DMD: variants seen among roughly 807,000 people sequenced by gnomAD.
DMD encodes dystrophin, also known as mutant dystrophin.
In DMD, 63 loss-of-function variants were observed where a neutral mutation model predicts 330.1. That is an observed-to-expected ratio of 0.19 (90% confidence interval 0.16 to 0.24). The LOEUF (loss-of-function observed/expected upper bound fraction) is 0.24, where lower values mean the gene tolerates loss of function less well. Among genes scored for constraint, DMD ranks in the 10% least tolerant of loss-of-function variants. The pLI, the probability that DMD is intolerant of heterozygous loss-of-function variation, is 1.00. For synonymous variants in DMD, 1,223 were observed against 959.8 expected (o/e 1.27, Z -5.07); for missense variants, 3,344 against 2,684.1 (o/e 1.25, Z -5.43).
At chrX:31,257,592 A>C (rs1481213912) in intron 63 of DMD, among the ~76,000 whole-genome samples, 1 of 111,932 alleles carries the variant, frequency 8.9e-6, no homozygotes, top group Non-Finnish European at 1.9e-5. Flanking sequence ...ACTCTGAAAC[A>C]CTGTAATTTT....
intron 9 of DMD, among the ~76,000 whole-genome samples, chrX:32,676,487 A>G (rs1393284314): frequency 9.0e-6 from 1 of 111,448 alleles, no homozygotes; most frequent in Non-Finnish European, 1.9e-5. Flanking sequence ...TCAGAATTTC[A>G]TTGCCATTTT....
At chrX:33,151,259 T>TATC (rs1051118947) in intron 1 of DMD, among the ~76,000 whole-genome samples, 4 of 112,695 alleles carry the variant, frequency 3.5e-5, no homozygotes, top group African/African-American at 1.3e-4. Flanking sequence ...GAACAAGTTA[T>TATC]ATCTAAATGC....
chrX:32,590,995 C>A (rs1201739029), intron 13 of DMD, among the ~76,000 whole-genome samples: 5 of 111,470 alleles, frequency 4.5e-5, no homozygotes, highest in African/African-American at 1.3e-4. Context: ...TACACTCTGT[C>A]TTTATCCATT....
At chrX:31,959,682 C>T (rs1042237015) in intron 45 of DMD, among the ~76,000 whole-genome samples, 3 of 109,614 alleles carry the variant, frequency 2.7e-5, no homozygotes, top group African/African-American at 1.0e-4. Context: ...AATCTCAATG[C>T]AAAATACCTC....
intron 2 of DMD, among the ~76,000 whole-genome samples, chrX:32,852,881 G>A (rs907900074): frequency 9.2e-6 from 1 of 109,213 alleles, no homozygotes; most frequent in Non-Finnish European, 1.9e-5. Flanking sequence ...CAATAGAAGA[G>A]AGCACCAGAT....
At chrX:31,473,008 G>A (rs1164745590) in intron 59 of DMD, among the ~76,000 whole-genome samples, 2 of 111,687 alleles carry the variant, frequency 1.8e-5, no homozygotes, top group Admixed American at 1.9e-4. Flanking sequence ...GGTAAACTAA[G>A]AACAGTGAAA....
chrX:32,670,693 T>C (rs1362013576), intron 9 of DMD, among the ~76,000 whole-genome samples: 1 of 112,373 alleles, frequency 8.9e-6, no homozygotes, highest in African/African-American at 3.2e-5. Flanking sequence ...GTAAGCAACA[T>C]GAAACCACTG....
At chrX:31,461,615 C>T (rs1159196440) in intron 59 of DMD, among the ~76,000 whole-genome samples, 1 of 111,717 alleles carries the variant, frequency 9.0e-6, no homozygotes, top group Non-Finnish European at 1.9e-5. Flanking sequence ...CATTCATTAA[C>T]TCTTCTCTTC....
chrX:31,490,337 T>G (rs990225252), intron 57 of DMD, among the ~76,000 whole-genome samples: 1 of 110,793 alleles, frequency 9.0e-6, no homozygotes, highest in African/African-American at 3.3e-5. Context: ...CTGAGGCGGG[T>G]GGATCACGAG....
rs1279374247 is a variant in DMD, at chrX:32,348,526, G to T, written c.5328C>A (p.Ala1776=). The change falls in exon 38 of 79, where the codon GCC becomes GCA. Residue 1776 remains alanine, a splice_region_variant and synonymous_variant. Coordinates refer to ENST00000357033, the MANE Select transcript of DMD (RefSeq NM_004006.3). ...GCTCCAATTCCTTCAAAGGAATGGA[G>T]GCCTAAAAAAAAAGATAGTGCTACT... ...AISHRIKTGK[A]SIPLKELEQF... 1 of 1,195,085 alleles carries T rather than the reference G, an allele frequency of 8.4e-7. No homozygotes were observed. Among genetic ancestry groups the T allele is most frequent in the Non-Finnish European group, 1.1e-6 (1 of 886,430 alleles).
chrX:33,140,229 A>C (rs2047730573), intron 1 of DMD, among the ~76,000 whole-genome samples: 1 of 112,234 alleles, frequency 8.9e-6, no homozygotes, highest in African/African-American at 3.2e-5. Flanking sequence ...CAGCATATGT[A>C]GTAAGTAGGT....
At chrX:31,911,915 G>GTGCC (rs1381165265) in intron 47 of DMD, among the ~76,000 whole-genome samples, 1 of 111,922 alleles carries the variant, frequency 8.9e-6, no homozygotes, top group African/African-American at 3.2e-5. Flanking sequence ...CGATAAGTGG[G>GTGCC]TGCCTCATAA....
At chrX:32,747,155 C>G (rs772680391) in intron 7 of DMD, among the ~76,000 whole-genome samples, 1 of 112,323 alleles carries the variant, frequency 8.9e-6, no homozygotes, top group African/African-American at 3.2e-5. Flanking sequence ...AACAAGGCCT[C>G]CAGAAAATTC....
At chrX:32,392,357 C>T (rs937118007) in intron 30 of DMD, among the ~76,000 whole-genome samples, 2 of 111,837 alleles carry the variant, frequency 1.8e-5, no homozygotes, top group Middle Eastern at 4.2e-3. Context: ...CTCCCAGGTT[C>T]AAGCGATTCT....
At chrX:32,279,931 G>A (rs985002678) in intron 43 of DMD, among the ~76,000 whole-genome samples, 3 of 93,533 alleles carry the variant, frequency 3.2e-5, no homozygotes, top group Non-Finnish European at 2.2e-5. Context: ...ATATATATAT[G>A]TACCCCACAT....
rs912322838 is a variant in DMD, at chrX:32,473,766, T to C, written c.2804-1457A>G. On this transcript the variant is annotated intron_variant, in intron 21 of 78. Coordinates refer to ENST00000357033, the MANE Select transcript of DMD (RefSeq NM_004006.3). ...GCACTTCTGATTTCTTATTAAAAGA[T>C]ATTTGTAGTACTTAAAATCTGTTTT... Among the ~76,000 whole-genome samples the C allele has an allele frequency of 3.9e-4, 44 of 111,876 alleles. 2 individuals carry two copies. The highest frequency in any genetic ancestry group is 3.2e-4 in the Non-Finnish European group (17 of 53,123).
Position 31,868,421 on chromosome X carries a change from C to T in DMD, c.7098+6767G>A, listed in dbSNP as rs779082294. Among the ~76,000 whole-genome samples the T allele has an allele frequency of 4.5e-5, 5 of 111,253 alleles. No individual in the cohort carries two copies. The East Asian group carries it at 8.5e-4, about 19-fold the overall frequency. On this transcript the variant is annotated intron_variant, in intron 48 of 78. Transcript: ENST00000357033. The stretch of plus-strand genomic sequence containing the variant: ...CCCTGTAAAATTCAGAAATTCTTAC[C>T]GAGTATTCTTATTTTCATGGCAATA...
intron 13 of DMD, among the ~76,000 whole-genome samples, chrX:32,578,821 C>G (rs1182187759): frequency 9.0e-6 from 1 of 111,458 alleles, no homozygotes; most frequent in Non-Finnish European, 1.9e-5. Flanking sequence ...CACAATGCAT[C>G]AGCAACGGGG....
intron 13 of DMD, among the ~76,000 whole-genome samples, chrX:32,593,917 C>T (rs2055221823): frequency 8.9e-6 from 1 of 112,422 alleles, no homozygotes; most frequent in African/African-American, 3.2e-5. Context: ...TCTGCAGTAA[C>T]ATTGCTGAGG....
Sources: allele counts gnomAD v4.1 joint callset (sites outside exome capture counted in the v4.1 genomes callset), GRCh38; gene constraint gnomAD v4.1.1; transcripts MANE v1.5; gene names NCBI Gene and HGNC (gene_info 2026-07-23, HGNC 2026-07-21).